Variants in LAMA2 observed in about 807,000 individuals in gnomAD.
The protein encoded by LAMA2 is laminin subunit alpha 2.
In LAMA2, 269 loss-of-function variants were observed where a neutral mutation model predicts 364.8. That is an observed-to-expected ratio of 0.74 (90% CI 0.67 to 0.82). The LOEUF (loss-of-function observed/expected upper bound fraction) is 0.82. LAMA2 is among the 40% of genes least tolerant of loss of function. The pLI, the probability that LAMA2 is intolerant of heterozygous loss-of-function variation, is 0.00. For missense variants in LAMA2, 3,807 were observed against 3,873.2 expected, an observed-to-expected ratio of 0.98 and a Z score of 0.45; for synonymous variants, 1,379 against 1,370.6, an observed-to-expected ratio of 1.01 and a Z score of -0.14.
chr6:129,240,353 G>A (rs1240762297), intron 12 of LAMA2, among the ~76,000 whole-genome samples: 3 of 152,146 alleles, frequency 2.0e-5, no homozygotes, highest in East Asian at 3.9e-4. Flanking sequence ...CAGTCAAGTA[G>A]ACAGTCAATA....
intron 54 of LAMA2, among the ~76,000 whole-genome samples, chr6:129,480,867 T>C (rs975523761): frequency 1.3e-5 from 2 of 152,134 alleles, no homozygotes; most frequent in Non-Finnish European, 2.9e-5. Context: ...TCAAGAGATA[T>C]TCGTTACAGT....
intron 13 of LAMA2, 91 bp from the exon 14 acceptor site, chr6:129,251,993 A>T: frequency 2.6e-6 from 2 of 765,964 alleles, no homozygotes; most frequent in South Asian, 1.5e-5. Context: ...AAGTCTATTG[A>T]GGGTGGAGGA....
chr6:129,386,329 C>T (rs1202820559), intron 35 of LAMA2, among the ~76,000 whole-genome samples: 1 of 145,214 alleles, frequency 6.9e-6, no homozygotes, highest in African/African-American at 2.5e-5. Context: ...CCTATTTATA[C>T]ATAGGATCTG....
intron 58 of LAMA2, among the ~76,000 whole-genome samples, chr6:129,501,340 C>A (rs1317398330): frequency 6.6e-6 from 1 of 152,172 alleles, no homozygotes; most frequent in Non-Finnish European, 1.5e-5. Context: ...TTTTGCATAG[C>A]TGTGTGAATT....
At chr6:129,318,173 AT>A (rs1436196837) in intron 27 of LAMA2, among the ~76,000 whole-genome samples, 9 of 152,276 alleles carry the variant, frequency 5.9e-5, no homozygotes, top group East Asian at 3.8e-4. Flanking sequence ...TTGTATCTTT[AT>A]TTATTCAATT....
At chr6:129,283,997 G>A (rs1788919837) in intron 18 of LAMA2, among the ~76,000 whole-genome samples, 1 of 152,098 alleles carries the variant, frequency 6.6e-6, no homozygotes. Context: ...CAGGGAAGGG[G>A]AAGATTGAGG....
chr6:129,165,218 A>T (rs911947474), intron 8 of LAMA2, among the ~76,000 whole-genome samples: 1 of 151,998 alleles, frequency 6.6e-6, no homozygotes, highest in African/African-American at 2.4e-5. Context: ...CATCTGGAAA[A>T]TAAATCTTGT....
intron 9 of LAMA2, among the ~76,000 whole-genome samples, chr6:129,170,759 A>G (rs1385798584): frequency 6.6e-5 from 10 of 151,768 alleles, no homozygotes; most frequent in Admixed American, 6.6e-4. Flanking sequence ...GATCTGTCTA[A>G]TGTTGACAGT....
chr6:129,354,747 A>G (rs893370342), intron 32 of LAMA2, among the ~76,000 whole-genome samples: 1 of 152,184 alleles, frequency 6.6e-6, no homozygotes, highest in Non-Finnish European at 1.5e-5. Context: ...TAATGGGATT[A>G]TTTGGGGAAC....
At chr6:129,337,733 C>G (rs1401889394) in intron 29 of LAMA2, among the ~76,000 whole-genome samples, 4 of 149,502 alleles carry the variant, frequency 2.7e-5, no homozygotes, top group African/African-American at 9.8e-5. Flanking sequence ...TTCCAGTGTG[C>G]AAAAAAAAAC....
chr6:129,073,859 A>G (rs1243348605), intron 3 of LAMA2, among the ~76,000 whole-genome samples: 2 of 152,092 alleles, frequency 1.3e-5, no homozygotes, highest in Non-Finnish European at 2.9e-5. Flanking sequence ...TTGTCTTTTC[A>G]TGCATTCCTG....
At chr6:129,259,706 G>T (rs1208727845) in intron 14 of LAMA2, among the ~76,000 whole-genome samples, 1 of 151,988 alleles carries the variant, frequency 6.6e-6, no homozygotes, top group Admixed American at 6.6e-5. Context: ...ATACCAAGAA[G>T]TTTATATTCA....
chr6:129,190,386 CCTT>C, intron 11 of LAMA2, 41 bp downstream of exon 11: 1 of 1,603,802 alleles, frequency 6.2e-7, no homozygotes, highest in Non-Finnish European at 8.5e-7. Flanking sequence ...GCCCCAGCAG[CCTT>C]CTTTGTTGCT....
chr6:129,396,663 T>G (rs1050913354), intron 37 of LAMA2, among the ~76,000 whole-genome samples: 1 of 152,034 alleles, frequency 6.6e-6, no homozygotes, highest in Non-Finnish European at 1.5e-5. Flanking sequence ...AATATTTCAG[T>G]GAAGCAAAAT....
chr6:129,170,976 A>G (rs1354318486), intron 9 of LAMA2, among the ~76,000 whole-genome samples: 4 of 151,212 alleles, frequency 2.6e-5, no homozygotes, highest in Admixed American at 1.3e-4. Flanking sequence ...AGTCTGTTTT[A>G]TCAGAGACTA....
At chr6:128,906,985 A>G (rs1323630258) in intron 1 of LAMA2, among the ~76,000 whole-genome samples, 100 of 150,986 alleles carry the variant, frequency 6.6e-4, no homozygotes, top group South Asian at 1.5e-3. Context: ...GTTCTGTTCC[A>G]TTGATCTATA....
At chr6:129,379,095 C>T (rs1010798404) in intron 34 of LAMA2, among the ~76,000 whole-genome samples, 1 of 152,132 alleles carries the variant, frequency 6.6e-6, no homozygotes, top group South Asian at 2.1e-4. Context: ...CCTTAGCAAA[C>T]TAACACAGGA....
chr6:129,366,965 A>G (rs534334232), intron 33 of LAMA2, among the ~76,000 whole-genome samples: 281 of 152,318 alleles, frequency 1.8e-3, no homozygotes, highest in Non-Finnish European at 3.1e-3. Flanking sequence ...AAATGTAGGC[A>G]CTGAGATCAG....
intron 1 of LAMA2, among the ~76,000 whole-genome samples, chr6:128,925,325 C>T (rs1779018270): frequency 1.3e-5 from 2 of 152,038 alleles, no homozygotes; most frequent in East Asian, 1.9e-4. Context: ...AACATTATTC[C>T]GTCTGTAAAA....
Sources: allele counts gnomAD v4.1 joint callset (sites outside exome capture counted in the v4.1 genomes callset), GRCh38; gene constraint gnomAD v4.1.1; transcripts MANE v1.5; gene names NCBI Gene and HGNC (gene_info 2026-07-23, HGNC 2026-07-21).